Variants in CEP162 observed in about 807,000 individuals in gnomAD.
CEP162 encodes the protein centrosomal protein of 162 kDa.
CEP162 carries 141 observed loss-of-function variants against 169.2 expected under a neutral mutation model. The observed-to-expected ratio is 0.83, with a 90% CI of 0.73 to 0.96. The LOEUF is 0.96. Ranked by LOEUF, CEP162 falls within the 40% of genes least tolerant of loss-of-function variation. The probability of loss-of-function intolerance (pLI) is 0.00; values close to 1 mark genes in which losing one functional copy is unlikely to be tolerated. For missense variants in CEP162, 1,600 were observed against 1,587.2 expected, an observed-to-expected ratio of 1.01 and a Z score of -0.14; for synonymous variants, 540 against 526.4, an observed-to-expected ratio of 1.03 and a Z score of -0.35.
intron 5 of CEP162, among the ~76,000 whole-genome samples, chr6:84,213,240 T>A (rs553991432): frequency 6.6e-6 from 1 of 152,148 alleles, no homozygotes; most frequent in Non-Finnish European, 1.5e-5. Flanking sequence ...TTAAAAGTAA[T>A]ACAAAGGAAA....
intron 16 of CEP162, among the ~76,000 whole-genome samples, chr6:84,173,821 T>A (rs1203177533): frequency 6.6e-6 from 1 of 151,866 alleles, no homozygotes; most frequent in Non-Finnish European, 1.5e-5. Flanking sequence ...GTAGCTGGGA[T>A]GACAGGTGTG....
At chr6:84,156,151 G>T (rs1303845450) in intron 21 of CEP162, among the ~76,000 whole-genome samples, 3 of 152,086 alleles carry the variant, frequency 2.0e-5, no homozygotes, top group Non-Finnish European at 4.4e-5. Context: ...TTCAATAAAT[G>T]GTGCTGGGAA....
At chr6:84,163,794 C>T (rs953028811) in intron 18 of CEP162, among the ~76,000 whole-genome samples, 5 of 151,834 alleles carry the variant, frequency 3.3e-5, no homozygotes, top group Non-Finnish European at 7.4e-5. Flanking sequence ...GGTGAAACCA[C>T]GTCTCTACTA....
intron 6 of CEP162, among the ~76,000 whole-genome samples, chr6:84,210,785 A>C (rs1238668145): frequency 6.6e-6 from 1 of 152,180 alleles, no homozygotes; most frequent in Non-Finnish European, 1.5e-5. Context: ...TTTGAACTCT[A>C]ATCTGCTTAA....
chr6:84,190,427 G>A (rs1460218597), intron 11 of CEP162, among the ~76,000 whole-genome samples: 3 of 152,124 alleles, frequency 2.0e-5, no homozygotes, highest in African/African-American at 4.8e-5. Flanking sequence ...CTTCCACACT[G>A]TGGAAGCTTT....
intron 6 of CEP162, among the ~76,000 whole-genome samples, chr6:84,212,483 T>G (rs548554533): frequency 4.6e-5 from 7 of 152,066 alleles, no homozygotes; most frequent in African/African-American, 1.4e-4. Context: ...TAGATTGTGA[T>G]AAGGTAGACA....
chr6:84,178,707 C>T (rs1451964110), intron 13 of CEP162, among the ~76,000 whole-genome samples: 3 of 152,210 alleles, frequency 2.0e-5, no homozygotes, highest in South Asian at 4.2e-4. Context: ...ATGTGCACAA[C>T]GTGCAGGTTT....
intron 25 of CEP162, among the ~76,000 whole-genome samples, chr6:84,129,098 G>A (rs184060928): frequency 2.0e-5 from 3 of 152,174 alleles, no homozygotes; most frequent in African/African-American, 7.2e-5. Context: ...TCATTGATGG[G>A]CATTTGGGTT....
chr6:84,157,924 G>A (rs1463133567), intron 21 of CEP162, among the ~76,000 whole-genome samples: 4 of 152,062 alleles, frequency 2.6e-5, no homozygotes, highest in African/African-American at 7.2e-5. Flanking sequence ...ACTTTAAAAT[G>A]ATTTCTTTTA....
At chr6:84,145,359 T>C (rs1383950603) in intron 25 of CEP162, among the ~76,000 whole-genome samples, 5 of 152,144 alleles carry the variant, frequency 3.3e-5, no homozygotes, top group Non-Finnish European at 7.4e-5. Flanking sequence ...AACAGACTTA[T>C]AAAAGAGCCT....
chr6:84,135,983 G>T (rs1172826143), intron 25 of CEP162, among the ~76,000 whole-genome samples: 1 of 152,226 alleles, frequency 6.6e-6, no homozygotes, highest in East Asian at 1.9e-4. Flanking sequence ...TAGAGGAATT[G>T]TGAGTACTTA....
At position 84,185,187 on chromosome 6, in the gene CEP162, C is replaced by T. The variant is rs746315585; in HGVS notation, c.1663G>A (p.Glu555Lys). ...ISTSNQPRKK[E>K]ILSGTKLIKP... ...TACTAAATAAAGAGTATATGATTACCTTTTTTCCTAGGTTGATTGGAGGTA... is the reference window on the plus strand; with the variant it reads ...TACTAAATAAAGAGTATATGATTACTTTTTTTCCTAGGTTGATTGGAGGTA... The change falls in exon 13 of 27, where the codon GAA becomes AAA. Residue 555 changes from glutamate to lysine, a missense_variant and splice_region_variant. Transcript: ENST00000403245. 1 of 1,607,386 alleles carries T rather than the reference C, an allele frequency of 6.2e-7. No homozygotes were observed. Among genetic ancestry groups the T allele is most frequent in the South Asian group, 1.1e-5 (1 of 90,862 alleles).
At chr6:84,151,296 T>C (rs1025329466) in intron 23 of CEP162, among the ~76,000 whole-genome samples, 5 of 151,732 alleles carry the variant, frequency 3.3e-5, no homozygotes, top group African/African-American at 4.8e-5. Context: ...AAAAGGAAGA[T>C]TGGAGTGGGA....
intron 25 of CEP162, among the ~76,000 whole-genome samples, chr6:84,141,185 A>AC (rs994918420): frequency 6.6e-6 from 1 of 151,770 alleles, no homozygotes; most frequent in Non-Finnish European, 1.5e-5. Flanking sequence ...AGGGTTGGGG[A>AC]CCCCTGGTCT....
intron 25 of CEP162, among the ~76,000 whole-genome samples, chr6:84,144,169 T>C (rs2099517855): frequency 6.6e-6 from 1 of 152,048 alleles, no homozygotes; most frequent in South Asian, 2.1e-4. Flanking sequence ...ATGTTCTTTC[T>C]CCTTTTACAA....
At chr6:84,177,553 T>A (rs149822993) in intron 13 of CEP162, among the ~76,000 whole-genome samples, 3 of 152,294 alleles carry the variant, frequency 2.0e-5, no homozygotes, top group African/African-American at 7.2e-5. Flanking sequence ...TTATTTATTT[T>A]GAGACAGCAT....
Position 84,201,773 on chromosome 6 carries a change from T to G in CEP162, c.688-6A>C, listed in dbSNP as rs1335229970. Reference sequence around the variant, plus strand: ...ATGCCAGTTTTTTCTTCTTCCTAAATTAAAAAAGGAAAATGATGATATGTT... The same window carrying G: ...ATGCCAGTTTTTTCTTCTTCCTAAAGTAAAAAAGGAAAATGATGATATGTT... On this transcript the variant is annotated splice_region_variant and splice_polypyrimidine_tract_variant and intron_variant, in intron 7 of 26. Coordinates refer to ENST00000403245, the MANE Select transcript of CEP162 (RefSeq NM_014895.4). The G allele has an allele frequency of 2.3e-6, 3 of 1,302,974 alleles. No homozygotes were observed. The allele number at this position is 1,302,974 out of a possible 1,614,324, so 80.7% of individuals were successfully genotyped here. A position where few individuals can be genotyped will look rare whatever the true frequency, so the allele number is the denominator to read the frequency against.
chr6:84,161,845 T>G lies in CEP162; in HGVS notation c.2577A>C (p.Gln859His). The G allele has an allele frequency of 6.3e-7, 1 of 1,590,764 alleles. No individual in the cohort carries two copies. Among genetic ancestry groups the G allele is most frequent in the Non-Finnish European group, 8.6e-7 (1 of 1,164,844 alleles). The part of the protein sequence containing the change: ...ETHKQEISRL[Q>H]KRLQWYAENQ... ...TTTCAGCATACCACTGTAATCTTTT[T>G]TGCAGACGACTGATTTCTTGTTTAT... The change falls in exon 20 of 27, where the codon CAA becomes CAC. Residue 859 changes from glutamine to histidine, a missense_variant. Coordinates refer to ENST00000403245, the MANE Select transcript of CEP162 (RefSeq NM_014895.4).
chr6:84,162,822 A>T (rs547060926), intron 19 of CEP162, among the ~76,000 whole-genome samples: 2 of 152,286 alleles, frequency 1.3e-5, no homozygotes, highest in South Asian at 4.1e-4. Flanking sequence ...AACAGCCTAC[A>T]AAGTTTCAGA....
Sources: allele counts gnomAD v4.1 joint callset (sites outside exome capture counted in the v4.1 genomes callset), GRCh38; gene constraint gnomAD v4.1.1; transcripts MANE v1.5; gene names NCBI Gene and HGNC (gene_info 2026-07-23, HGNC 2026-07-21).